ZSWIM5: variants seen among roughly 807,000 people sequenced by gnomAD.
The protein encoded by ZSWIM5 is zinc finger SWIM-type containing 5.
ZSWIM5 carries 55 observed loss-of-function variants against 119.6 expected under a neutral mutation model. The ratio of observed to expected loss-of-function variants is 0.46; its 90% CI spans 0.37 to 0.58. The LOEUF is 0.58. Among genes scored for constraint, ZSWIM5 ranks in the 20% least tolerant of loss-of-function variants. The pLI is 0.00. For synonymous variants in ZSWIM5, 537 were observed against 606.9 expected (o/e 0.88, Z 1.69); for missense variants, 1,193 against 1,512.8 (o/e 0.79, Z 3.51).
intron 2 of ZSWIM5, among the ~76,000 whole-genome samples, chr1:45,075,761 C>G (rs188935696): frequency 1.3e-5 from 2 of 151,902 alleles, no homozygotes; most frequent in Admixed American, 1.3e-4. Flanking sequence ...TATTTGTTTT[C>G]TGGTTGTTCT....
At chr1:45,040,338 G>A (rs1466914721) in intron 7 of ZSWIM5, 54 bp downstream of exon 7, 1 of 1,494,062 alleles carries the variant, frequency 6.7e-7, no homozygotes, top group South Asian at 1.4e-5. Flanking sequence ...TATCCCCTGA[G>A]GATCCTCATC....
chr1:45,037,206 G>T (rs1399392146), intron 8 of ZSWIM5, among the ~76,000 whole-genome samples: 1 of 149,090 alleles, frequency 6.7e-6, no homozygotes, highest in East Asian at 2.0e-4. Flanking sequence ...CGCCTCCTGG[G>T]TTCAAGCAAT....
chr1:45,162,480 G>C lies in ZSWIM5; in HGVS notation c.595+43276C>G, dbSNP rs576503032. Among the ~76,000 whole-genome samples, 4 of 152,378 alleles carry C rather than the reference G, an allele frequency of 2.6e-5. No individual in the cohort carries two copies. The South Asian group carries it at 6.2e-4, about 24-fold the overall frequency. On this transcript the variant is annotated intron_variant, in intron 1 of 13. Transcript: ENST00000359600. ...TCATTTCACTGGGGCTTGTCAGACA[G>C]TGGGTGCAGCCCATGGACCATAAGC... is the stretch of plus-strand genomic sequence containing the variant.
intron 1 of ZSWIM5, among the ~76,000 whole-genome samples, chr1:45,171,946 A>G (rs907608376): frequency 2.6e-5 from 4 of 152,150 alleles, no homozygotes; most frequent in African/African-American, 9.6e-5. Context: ...GATTTGAATG[A>G]GACTATTCAA....
rs868689893 is a variant in ZSWIM5, at chr1:45,081,491, T to C, written c.952+6390A>G. ...ACGCCTGACTGGTTTTCGTATTTTT[T>C]TGGTGGAGACGGGGTTTCGCTGTGT... On this transcript the variant is annotated intron_variant, in intron 2 of 13. Transcript: ENST00000359600. 3.8e-4 allele frequency among the ~76,000 whole-genome samples: 58 copies of C among 152,332 alleles called. No homozygotes were observed. The Middle Eastern group carries it at 0.01, about 27-fold the overall frequency.
chr1:45,078,954 G>A (rs1219531433), intron 2 of ZSWIM5, among the ~76,000 whole-genome samples: 5 of 152,176 alleles, frequency 3.3e-5, no homozygotes, highest in South Asian at 2.1e-4. Flanking sequence ...TGACCTGAAC[G>A]TATAGGTCCA....
intron 1 of ZSWIM5, among the ~76,000 whole-genome samples, chr1:45,115,009 G>A (rs1032101004): frequency 1.3e-5 from 2 of 152,196 alleles, no homozygotes; most frequent in Admixed American, 1.3e-4. Flanking sequence ...ATTTCTCTCA[G>A]TACAGAACAA....
In ZSWIM5 at chr1:45,163,863, CAG is replaced by C. The variant is rs562927598; in HGVS notation, c.595+41891_595+41892del. On this transcript the variant is annotated intron_variant, in intron 1 of 13. Transcript: ENST00000359600. ...GTCTGATTGGCGTACCTGAAAGTGA[CAG>C]GGAGAATGGAACCAAGTTGGAAAAC... Among the ~76,000 whole-genome samples, 89 of 152,248 alleles carry C rather than the reference CAG, an allele frequency of 5.8e-4. No individual in the cohort carries two copies. In the East Asian group the frequency reaches 0.017, roughly 28 times the overall value.
At chr1:45,130,408 AAAC>A (rs1645649094) in intron 1 of ZSWIM5, among the ~76,000 whole-genome samples, 1 of 151,968 alleles carries the variant, frequency 6.6e-6, no homozygotes, top group South Asian at 2.1e-4. Context: ...CCCAAAAACC[AAAC>A]AACGCAATTA....
intron 1 of ZSWIM5, among the ~76,000 whole-genome samples, chr1:45,116,845 A>G (rs1436701999): frequency 2.0e-5 from 3 of 152,234 alleles, no homozygotes; most frequent in Non-Finnish European, 4.4e-5. Flanking sequence ...TCAGGACACT[A>G]TGTTACATTT....
At chr1:45,175,828 T>C (rs1418258409) in intron 1 of ZSWIM5, among the ~76,000 whole-genome samples, 1 of 152,000 alleles carries the variant, frequency 6.6e-6, no homozygotes, top group East Asian at 1.9e-4. Context: ...TATCCATTAT[T>C]ATCATTATTT....
At chr1:45,083,121 A>G (rs1370310672) in intron 2 of ZSWIM5, among the ~76,000 whole-genome samples, 1 of 152,180 alleles carries the variant, frequency 6.6e-6, no homozygotes, top group Non-Finnish European at 1.5e-5. Flanking sequence ...AGATATGGAG[A>G]GCTACTTTTT....
rs112830345 is a variant in ZSWIM5 at position 45,157,199 on chromosome 1, G to C, written c.595+48557C>G. Among the ~76,000 whole-genome samples the C allele has an allele frequency of 1.0e-2, 1,505 of 150,934 alleles. 30 individuals carry two copies. The highest frequency in any genetic ancestry group is 0.035 in the African/African-American group (1,442 of 41,100). On this transcript the variant is annotated intron_variant, in intron 1 of 13. Coordinates refer to ENST00000359600, the MANE Select transcript of ZSWIM5 (RefSeq NM_020883.2). ...TATTATTATGGTTATGATTACTTTT[G>C]AGACAGGGTCTTCCTCTATTGCCCA...
At chr1:45,183,058 A>G (rs1302459424) in intron 1 of ZSWIM5, among the ~76,000 whole-genome samples, 1 of 152,124 alleles carries the variant, frequency 6.6e-6, no homozygotes, top group East Asian at 1.9e-4. Flanking sequence ...CTCTCAGACC[A>G]CAGTGCAATC....
At chr1:45,103,689 T>C (rs1645453549) in intron 1 of ZSWIM5, among the ~76,000 whole-genome samples, 1 of 152,254 alleles carries the variant, frequency 6.6e-6, no homozygotes, top group South Asian at 2.1e-4. Flanking sequence ...AGTGCTGTGA[T>C]GCTCTCATAG....
intron 2 of ZSWIM5, among the ~76,000 whole-genome samples, chr1:45,076,026 C>T (rs895347732): frequency 2.0e-5 from 3 of 152,056 alleles, no homozygotes; most frequent in Non-Finnish European, 4.4e-5. Context: ...AACTTAACTT[C>T]GTGCCCCTGC....
chr1:45,110,030 A>G (rs753933421), intron 1 of ZSWIM5, among the ~76,000 whole-genome samples: 13 of 151,862 alleles, frequency 8.6e-5, no homozygotes, highest in Non-Finnish European at 1.8e-4. Flanking sequence ...ACACCTGGCT[A>G]ATTTTTAATT....
chr1:45,163,839 T>A (rs1343723328), intron 1 of ZSWIM5, among the ~76,000 whole-genome samples: 1 of 152,136 alleles, frequency 6.6e-6, no homozygotes, highest in Non-Finnish European at 1.5e-5. Context: ...CAAATCTACG[T>A]CTGATTGGCG....
intron 1 of ZSWIM5, among the ~76,000 whole-genome samples, chr1:45,117,412 C>T (rs1225156193): frequency 6.6e-6 from 1 of 152,192 alleles, no homozygotes; most frequent in African/African-American, 2.4e-5. Context: ...CAGTGGCTCA[C>T]ACCTATAATC....
Sources: gnomAD v4.1 joint callset for allele counts (sites outside exome capture counted in the v4.1 genomes callset) on GRCh38, gnomAD v4.1.1 for gene constraint, MANE v1.5 for transcripts, NCBI Gene and HGNC (gene_info 2026-07-23, HGNC 2026-07-21) for gene names.